The following ITIH1 variants were observed in gnomAD, a reference collection of about 807,000 sequenced individuals.
ITIH1 encodes inter-alpha-trypsin inhibitor heavy chain H1.
Under a neutral mutation model 104.6 loss-of-function variants are expected in ITIH1, and 94 were observed. The ratio of observed to expected loss-of-function variants is 0.90; its 90% CI spans 0.76 to 1.07. The LOEUF is 1.07. Ranked by LOEUF, ITIH1 falls within the 50% of genes least tolerant of loss-of-function variation. ITIH1 has a pLI of 0.00. For synonymous variants in ITIH1, 455 were observed against 464.4 expected (o/e 0.98, Z 0.26); for missense variants, 1,193 against 1,181.4 (o/e 1.01, Z -0.14).
intron 8 of ITIH1, 21 bp downstream of exon 8, chr3:52,782,288 G>C (rs1699079283): frequency 6.3e-7 from 1 of 1,576,998 alleles, no homozygotes; most frequent in Non-Finnish European, 8.7e-7. Flanking sequence ...GCTTGAAACA[G>C]CTCACCCAGC....
chr3:52,783,298 C>A lies in ITIH1; in HGVS notation c.1184C>A (p.Ala395Asp), dbSNP rs2154108395. Residue 395 changes from alanine to aspartate, a missense_variant, in exon 10 of 22, where the codon GCC (alanine) becomes GAC (aspartate). Physicochemically the swap from Ala to Asp is moderately radical, Grantham distance 126 (BLOSUM62 -2). Coordinates refer to ENST00000273283, the MANE Select transcript of ITIH1 (RefSeq NM_002215.4). ...AGCCTCCCAGAACTCAGCAACCATG[C>A]CTCAATACTCATCATGTTGACAGAT... Reference protein sequence around the residue: ...QESLPELSNHASILIMLTDGD... With the variant: ...QESLPELSNHDSILIMLTDGD... 1 of 1,614,070 alleles carries A rather than the reference C, an allele frequency of 6.2e-7. No homozygotes were observed. The highest frequency in any genetic ancestry group is 8.5e-7 in the Non-Finnish European group (1 of 1,180,010).
Position 52,779,716 on chromosome 3 carries a change from C to A in ITIH1, c.573+122C>A, listed in dbSNP as rs1286902240. The A allele has an allele frequency of 2.4e-6, 3 of 1,232,976 alleles. No homozygotes were observed. Among genetic ancestry groups the A allele is most frequent in the Non-Finnish European group, 3.6e-6 (3 of 841,956 alleles). 76.4% of individuals were successfully genotyped at this position (1,232,976 alleles called of 1,614,324 possible). ...CTGAGAACACAGGGATGGGGACTAA[C>A]CCCTCAGGGTGAGCTCTGATGTGCT... On this transcript the variant is annotated intron_variant, in intron 5 of 21. Transcript: ENST00000273283. The surrounding 1 kb of genome is among the most constrained non-coding windows in gnomAD (Gnocchi z 4.4).
intron 6 of ITIH1, among the ~76,000 whole-genome samples, chr3:52,781,335 TATC>T (rs1163055617): frequency 6.7e-6 from 1 of 149,298 alleles, no homozygotes; most frequent in African/African-American, 2.5e-5. Context: ...CTTCTTCTTC[TATC>T]TTCTCTTCTT....
rs937564639 is a variant in ITIH1 at position 52,782,974 on chromosome 3, T to G, written c.948T>G (p.Leu316=). ...CCTTGCAGACCAAGGAGGCACTCCT[T>G]AAAATTCTGGGGGACATGCAGCCAG... The part of the protein sequence containing the change: ...QKVKQTKEAL[L]KILGDMQPGD... Residue 316 remains leucine (L), a synonymous_variant, in exon 9 of 22, where the codon CTT becomes CTG. Coordinates refer to ENST00000273283, the MANE Select transcript of ITIH1 (RefSeq NM_002215.4). 1.2e-6 allele frequency: 2 copies of G among 1,614,034 alleles called. No individual in the cohort carries two copies. Among genetic ancestry groups the G allele is most frequent in the Non-Finnish European group, 1.7e-6 (2 of 1,179,974 alleles).
intron 1 of ITIH1, 40 bp from the exon 2 acceptor site, chr3:52,777,957 G>C: frequency 6.2e-7 from 1 of 1,613,928 alleles, no homozygotes; most frequent in Non-Finnish European, 8.5e-7. Context: ...GTGGTCCCCT[G>C]AGTTTTCCTC....
intron 12 of ITIH1, 50 bp from the exon 13 acceptor site, chr3:52,786,245 G>C (rs768060006): frequency 2.6e-6 from 4 of 1,544,438 alleles, no homozygotes; most frequent in East Asian, 2.4e-5. Flanking sequence ...CACCAGCCAG[G>C]GGCCGTGCTT....
In ITIH1 at chr3:52,784,223, TC is replaced by T. The variant is rs923431121; in HGVS notation, c.1226-69del. 142 of 1,354,334 alleles carry T rather than the reference TC, an allele frequency of 1.0e-4. No individual in the cohort carries two copies. In the African/African-American group the frequency reaches 1.6e-3, roughly 16 times the overall value. The allele number at this position is 1,354,334 out of a possible 1,614,324, so 83.9% of individuals were successfully genotyped here. ...GGAAGGCTTGAGCCCCAGGGAGTGTTCCCCAGAGCCCCCTCGTGCCCCACAT... is the reference window on the plus strand; with the variant it reads ...GGAAGGCTTGAGCCCCAGGGAGTGTTCCCAGAGCCCCCTCGTGCCCCACAT... On this transcript the variant is annotated intron_variant, in intron 10 of 21. Transcript: ENST00000273283.
Position 52,779,092 on chromosome 3 carries a change from A to G in ITIH1, c.410+46A>G, listed in dbSNP as rs1489784976. Reference sequence around the variant, plus strand: ...TCTCATCTCTAGGGCTGCCCTCCCCAGCCAGGACAGGTCTGATGGCTGCAA... The same window carrying G: ...TCTCATCTCTAGGGCTGCCCTCCCCGGCCAGGACAGGTCTGATGGCTGCAA... On this transcript the variant is annotated intron_variant, in intron 4 of 21. Coordinates refer to ENST00000273283, the MANE Select transcript of ITIH1 (RefSeq NM_002215.4). The surrounding 1 kb of genome is among the most constrained non-coding windows in gnomAD (Gnocchi z 4.4). The G allele has an allele frequency of 7.5e-7, 1 of 1,330,708 alleles. No homozygotes were observed. Among genetic ancestry groups the G allele is most frequent in the Non-Finnish European group, 1.1e-6 (1 of 921,824 alleles). 82.4% of individuals were successfully genotyped at this position (1,330,708 alleles called of 1,614,324 possible). A position where few individuals can be genotyped will look rare whatever the true frequency, so the allele number is the denominator to read the frequency against.
chr3:52,783,389 G>C, intron 10 of ITIH1, 50 bp downstream of exon 10: 1 of 1,588,700 alleles, frequency 6.3e-7, no homozygotes, highest in Non-Finnish European at 8.6e-7. Context: ...CTTGTCACCC[G>C]AGACATGCAA....
chr3:52,788,972 C>T (rs1047101463), intron 18 of ITIH1, among the ~76,000 whole-genome samples: 1 of 152,026 alleles, frequency 6.6e-6, no homozygotes, highest in Non-Finnish European at 1.5e-5. Context: ...CCTGCCCCAC[C>T]TTCCCCATGA....
Position 52,784,298 on chromosome 3 carries a change from G to C in ITIH1, c.1228G>C (p.Val410Leu). The change falls in exon 11 of 22, where the codon GTG becomes CTG. Residue 410 changes from valine to leucine, a missense_variant and splice_region_variant. Physicochemically the swap from Val to Leu is conservative, Grantham distance 32. Transcript: ENST00000273283. The stretch of plus-strand genomic sequence containing the variant: ...CTACCCAGGTGTGTGGCTTGCAGGG[G>C]TGACGGACCGTTCCCAAATCCTCAA... ...MLTDGDPTEG[V>L]TDRSQILKNV... 1 of 1,612,682 alleles carries C rather than the reference G, an allele frequency of 6.2e-7. No individual in the cohort carries two copies. Among genetic ancestry groups the C allele is most frequent in the Non-Finnish European group, 8.5e-7 (1 of 1,179,266 alleles).
Position 52,789,848 on chromosome 3 carries a change from A to T in ITIH1, c.2315A>T (p.Gln772Leu), listed in dbSNP as rs61730358. ...FSWRDQAVLR[Q>L]DGVVVTINKK... Reference sequence around the variant, plus strand: ...TGGAGGGACCAAGCTGTGCTGCGGCAGGACGGGTAACCTGCCAGGGCCTGG... The same window carrying T: ...TGGAGGGACCAAGCTGTGCTGCGGCTGGACGGGTAACCTGCCAGGGCCTGG... The change falls in exon 19 of 22, where the codon CAG becomes CTG. Residue 772 changes from glutamine (Q) to leucine (L), a missense_variant. Gln to Leu is a moderately radical substitution (Grantham distance 113). Coordinates refer to ENST00000273283, the MANE Select transcript of ITIH1 (RefSeq NM_002215.4). 5,460 of 1,614,114 alleles carry T rather than the reference A, an allele frequency of 3.4e-3. 167 individuals are homozygous for T. The African/African-American group carries it at 0.064, about 19-fold the overall frequency.
In ITIH1 at chr3:52,778,940, A is replaced by C; in HGVS notation, c.306-2A>C. ...CCTGAGGGTGTCCTTCCCTCCCTGC[A>C]GTACAGCAGATGGAAACGCATTTAT... On this transcript the variant is annotated splice_acceptor_variant, in intron 3 of 21. Transcript: ENST00000273283. LOFTEE classifies it high-confidence loss of function. 6.2e-7 allele frequency: 1 copy of C among 1,605,412 alleles called. No homozygotes were observed.
chr3:52,786,813 A>C (rs1197355630), intron 13 of ITIH1, 132 bp from the exon 14 acceptor site: 4 of 1,055,746 alleles, frequency 3.8e-6, no homozygotes, highest in Non-Finnish European at 5.4e-6. Flanking sequence ...TGCATAGGAC[A>C]CCATGGGGGC....
At chr3:52,778,799 C>A in intron 3 of ITIH1, 143 bp from the exon 4 acceptor site, 1 of 1,052,324 alleles carries the variant, frequency 9.5e-7, no homozygotes, top group Non-Finnish European at 1.4e-6. Context: ...ACCTCATTGC[C>A]CATGGACCCC....
intron 13 of ITIH1, 130 bp from the exon 14 acceptor site, chr3:52,786,815 C>A: frequency 9.2e-7 from 1 of 1,090,620 alleles, no homozygotes; most frequent in Non-Finnish European, 1.3e-6. Flanking sequence ...CATAGGACAC[C>A]ATGGGGGCTT....
At chr3:52,787,273 C>A in intron 15 of ITIH1, 71 bp downstream of exon 15, 1 of 1,587,104 alleles carries the variant, frequency 6.3e-7, no homozygotes, top group Non-Finnish European at 8.6e-7. Context: ...GCTCCAGCCC[C>A]AGGCTCGCAG....
intron 20 of ITIH1, 66 bp downstream of exon 20, chr3:52,790,987 G>A (rs2154108871): frequency 1.3e-6 from 2 of 1,495,908 alleles, no homozygotes; most frequent in South Asian, 1.3e-5. Context: ...TGTGGGACCT[G>A]GGGCCACCGG....
At chr3:52,785,657 C>T (rs543286639) in intron 12 of ITIH1, among the ~76,000 whole-genome samples, 2 of 152,318 alleles carry the variant, frequency 1.3e-5, no homozygotes, top group African/African-American at 4.8e-5. Flanking sequence ...CTGGATCCTG[C>T]CCTCCAGGAC....
Sources: gnomAD v4.1 joint callset for allele counts (sites outside exome capture counted in the v4.1 genomes callset) on GRCh38, gnomAD v4.1.1 for gene constraint, Gnocchi (gnomAD v3.1) non-coding constraint, MANE v1.5 for transcripts, NCBI Gene and HGNC (gene_info 2026-07-23, HGNC 2026-07-21) for gene names.